VILL: variants seen among roughly 807,000 people sequenced by gnomAD.
The protein encoded by VILL is villin like.
A neutral mutation model predicts 106.3 loss-of-function variants in VILL; 102 were observed. The observed-to-expected ratio is 0.96, with a 90% CI of 0.82 to 1.13. The LOEUF (loss-of-function observed/expected upper bound fraction) is 1.13, where lower values mean the gene tolerates loss of function less well. Among genes scored for constraint, VILL ranks in the 50% most tolerant of loss-of-function variants. The pLI is 0.00. For missense variants in VILL, 1,076 were observed against 1,116.6 expected, an observed-to-expected ratio of 0.96 and a Z score of 0.52; for synonymous variants, 431 against 440.3, an observed-to-expected ratio of 0.98 and a Z score of 0.27.
Position 37,993,746 on chromosome 3 carries a change from C to G in VILL, c.60+14C>G. ...TGGATCTCTGAGGTGAGAGGCACGACCAAATAGGAGAGTTGGTGACATGGA... is the reference window on the plus strand; with the variant it reads ...TGGATCTCTGAGGTGAGAGGCACGAGCAAATAGGAGAGTTGGTGACATGGA... On this transcript the variant is annotated intron_variant, in intron 2 of 19. Coordinates refer to ENST00000383759, the MANE Select transcript of VILL (RefSeq NM_015873.4). The G allele has an allele frequency of 6.2e-7, 1 of 1,613,874 alleles. No homozygotes were observed.
rs184032584 is a variant in VILL at position 37,996,999 on chromosome 3, C to A, written c.451-78C>A. ...CAGTTTGCATACAGCTTCATGCACA[C>A]GTGACACATCCCAGCTATGCTCCCC... On this transcript the variant is annotated intron_variant, in intron 5 of 19. Coordinates refer to ENST00000383759, the MANE Select transcript of VILL (RefSeq NM_015873.4). The A allele has an allele frequency of 1.5e-5, 19 of 1,303,794 alleles. No individual in the cohort carries two copies. The East Asian group carries it at 4.4e-4, about 30-fold the overall frequency. 80.8% of individuals were successfully genotyped at this position (1,303,794 alleles called of 1,614,324 possible). A position where few individuals can be genotyped will look rare whatever the true frequency, so the allele number is the denominator to read the frequency against.
At chr3:38,003,131 C>A in intron 14 of VILL, 37 bp from the exon 15 acceptor site, 2 of 1,607,870 alleles carry the variant, frequency 1.2e-6, no homozygotes, top group Non-Finnish European at 1.7e-6. Context: ...GAAGGCCCCT[C>A]CTCATGCAGG....
At position 37,993,679 on chromosome 3, in the gene VILL, A is replaced by C; in HGVS notation, c.7A>C (p.Ile3Leu). 1 of 1,613,988 alleles carries C rather than the reference A, an allele frequency of 6.2e-7. No homozygotes were observed. Among genetic ancestry groups the C allele is most frequent in the Non-Finnish European group, 8.5e-7 (1 of 1,179,908 alleles). The change falls in exon 2 of 20, where the codon ATC (isoleucine) becomes CTC (leucine). Residue 3 changes from isoleucine to leucine, a missense_variant. Physicochemically the swap from Ile to Leu is conservative, Grantham distance 5. Transcript: ENST00000383759. ...TATTCCTGCCTGGCCTGCGATGGAC[A>C]TCAGCAAGGGCCTCCCAGGCATGCA... MD[I>L]SKGLPGMQGG... is the part of the protein sequence containing the mutation.
chr3:37,995,169 A>G (rs968104116), intron 4 of VILL, among the ~76,000 whole-genome samples: 2 of 152,254 alleles, frequency 1.3e-5, no homozygotes, highest in African/African-American at 4.8e-5. Context: ...GTAGGAATAT[A>G]TCTTTCGCTG....
rs138689378 is a variant in VILL, at chr3:38,002,877, G to T, written c.1660-291G>T. Reference sequence around the variant, plus strand: ...GAAAAGGGGAGGCCTATGCCAGTTTGCTGGAGTTTTCTCTAATATTCAGCA... The same window carrying T: ...GAAAAGGGGAGGCCTATGCCAGTTTTCTGGAGTTTTCTCTAATATTCAGCA... On this transcript the variant is annotated intron_variant, in intron 14 of 19. Coordinates refer to ENST00000383759, the MANE Select transcript of VILL (RefSeq NM_015873.4). 2.4e-3 allele frequency: 1,256 copies of T among 529,668 alleles called. 12 individuals are homozygous for T. The highest frequency in any genetic ancestry group is 0.019 in the African/African-American group (980 of 52,448). 32.8% of individuals were successfully genotyped at this position (529,668 alleles called of 1,614,324 possible).
chr3:38,003,545 T>A (rs6781889), intron 15 of VILL: 10,763 of 541,478 alleles, frequency 0.02, 927 homozygotes, highest in African/African-American at 0.18. Flanking sequence ...CGACCTCTGC[T>A]GGCAGCATCC....
Position 38,001,715 on chromosome 3 carries a change from C to T in VILL, c.1334C>T (p.Thr445Ile), listed in dbSNP as rs534917204. Residue 445 changes from threonine (T) to isoleucine (I), a missense_variant, in exon 13 of 20, where the codon ACT (threonine) becomes ATT (isoleucine). By Grantham distance (89) the Thr-to-Ile change is moderately conservative. Coordinates refer to ENST00000383759, the MANE Select transcript of VILL (RefSeq NM_015873.4). Reference sequence around the variant, plus strand: ...CCCCACCTGCAGGGCCACCAGGCCACTGCGGATGAGATTGAGGCCCTGAAC... The same window carrying T: ...CCCCACCTGCAGGGCCACCAGGCCATTGCGGATGAGATTGAGGCCCTGAAC... Reference protein sequence around the residue: ...ILYLWQGHQATADEIEALNSN... With the variant: ...ILYLWQGHQAIADEIEALNSN... 6.2e-6 allele frequency: 10 copies of T among 1,614,222 alleles called. No individual in the cohort carries two copies. The South Asian group carries it at 1.1e-4, about 18-fold the overall frequency.
At chr3:38,006,757 C>G (rs1699937316) in intron 19 of VILL, 57 bp downstream of exon 19, 2 of 1,555,110 alleles carry the variant, frequency 1.3e-6, no homozygotes, top group Non-Finnish European at 1.7e-6. Context: ...CTGGAGGAGC[C>G]CAAGGCAGGA....
upstream of VILL, among the ~76,000 whole-genome samples, chr3:37,988,482 G>A (rs1004708171): frequency 1.3e-5 from 2 of 152,208 alleles, no homozygotes; most frequent in Non-Finnish European, 2.9e-5. Flanking sequence ...CAGAGTTTCC[G>A]TTTTGTAAGA....
chr3:37,991,763 G>A (rs1197977939), intron 1 of VILL, among the ~76,000 whole-genome samples: 3 of 151,992 alleles, frequency 2.0e-5, no homozygotes, highest in Non-Finnish European at 4.4e-5. Flanking sequence ...CCAGAGGAAA[G>A]AGGGCAGGAG....
chr3:37,993,743 C>A lies in VILL; in HGVS notation c.60+11C>A, dbSNP rs367753432. The A allele has an allele frequency of 7.4e-6, 12 of 1,613,870 alleles. No individual in the cohort carries two copies. The highest frequency in any genetic ancestry group is 5.9e-6 in the Non-Finnish European group (7 of 1,179,830). On this transcript the variant is annotated intron_variant, in intron 2 of 19. Coordinates refer to ENST00000383759, the MANE Select transcript of VILL (RefSeq NM_015873.4). The stretch of plus-strand genomic sequence containing the variant: ...ATATGGATCTCTGAGGTGAGAGGCA[C>A]GACCAAATAGGAGAGTTGGTGACAT...
rs559140527 is a variant in VILL at position 37,994,241 on chromosome 3, C to G, written c.136-20C>G. On this transcript the variant is annotated intron_variant, in intron 3 of 19. Coordinates refer to ENST00000383759, the MANE Select transcript of VILL (RefSeq NM_015873.4). ...CTCCGTCTTCCCCGCAACACATATA[C>G]ACAAACACCCGGACCCTAGGTCCCC... The G allele has an allele frequency of 2.5e-6, 4 of 1,592,414 alleles. No individual in the cohort carries two copies. The highest frequency in any genetic ancestry group is 2.6e-6 in the Non-Finnish European group (3 of 1,172,842).
intron 15 of VILL, 82 bp from the exon 16 acceptor site, chr3:38,004,173 C>CA (rs1699870943): frequency 6.5e-7 from 1 of 1,529,136 alleles, no homozygotes; most frequent in South Asian, 1.2e-5. Flanking sequence ...AGTGGCTTCC[C>CA]AGGCCCTGGG....
chr3:38,003,138 CAGG>C, intron 14 of VILL, 27 bp from the exon 15 acceptor site: 2 of 1,609,998 alleles, frequency 1.2e-6, no homozygotes, highest in Non-Finnish European at 1.7e-6. Context: ...CCTCCTCATG[CAGG>C]GCCTGAGCCA....
At position 37,998,851 on chromosome 3, in the gene VILL, G is replaced by T. The variant is rs890752947; in HGVS notation, c.943-61G>T. 3.4e-5 allele frequency: 52 copies of T among 1,547,096 alleles called. No homozygotes were observed. The South Asian group carries it at 5.4e-4, about 16-fold the overall frequency. On this transcript the variant is annotated intron_variant, in intron 9 of 19. Coordinates refer to ENST00000383759, the MANE Select transcript of VILL (RefSeq NM_015873.4). This position sits in a 1 kb window ranked among gnomAD's most constrained non-coding sequence, Gnocchi z 4.1. Reference sequence around the variant, plus strand: ...GCTGTCCCAGAGCGGTAGGTCCCCAGGAGCGGCAGTGGGGCAGTGGACTCT... The same window carrying T: ...GCTGTCCCAGAGCGGTAGGTCCCCATGAGCGGCAGTGGGGCAGTGGACTCT...
upstream of VILL, among the ~76,000 whole-genome samples, chr3:37,989,859 C>T (rs9858321): frequency 0.074 from 11,219 of 152,244 alleles, 635 homozygotes; most frequent in African/African-American, 0.16. Flanking sequence ...CACAGGGACC[C>T]TGCATTGTGT....
At chr3:38,005,737 T>C in intron 16 of VILL, 55 bp from the exon 17 acceptor site, 1 of 1,542,752 alleles carries the variant, frequency 6.5e-7, no homozygotes, top group Admixed American at 1.9e-5. Flanking sequence ...CAGGAAGGGG[T>C]CAGCTCTGGG....
At chr3:38,001,402 T>G (rs1575338145) in intron 11 of VILL, 54 bp from the exon 12 acceptor site, 2 of 1,600,290 alleles carry the variant, frequency 1.2e-6, no homozygotes. Context: ...ACAGGATGGG[T>G]GGGCTGGTTC....
At chr3:37,992,500 C>T (rs1699624609) in intron 1 of VILL, among the ~76,000 whole-genome samples, 1 of 152,180 alleles carries the variant, frequency 6.6e-6, no homozygotes, top group Non-Finnish European at 1.5e-5. Context: ...CAGCACACTT[C>T]ACTCATTCAA....
Sources: allele counts gnomAD v4.1 joint callset (sites outside exome capture counted in the v4.1 genomes callset), GRCh38; gene constraint gnomAD v4.1.1; non-coding constraint Gnocchi (gnomAD v3.1); transcripts MANE v1.5; gene names NCBI Gene and HGNC (gene_info 2026-07-23, HGNC 2026-07-21).